SUZ12: variants seen among roughly 807,000 people sequenced by gnomAD.
SUZ12 encodes the protein polycomb protein SUZ12.
SUZ12 carries 17 observed loss-of-function variants against 87.3 expected under a neutral mutation model. The ratio of observed to expected loss-of-function variants is 0.19; its 90% CI spans 0.13 to 0.29. SUZ12 has a LOEUF of 0.29. Among genes scored for constraint, SUZ12 ranks in the 10% least tolerant of loss-of-function variants. The probability of loss-of-function intolerance (pLI) is 1.00; values close to 1 mark genes in which losing one functional copy is unlikely to be tolerated. For synonymous variants in SUZ12, 253 were observed against 312.4 expected (o/e 0.81, Z 2.01); for missense variants, 526 against 912.2 (o/e 0.58, Z 5.45).
chr17:31,959,565 A>C (rs1414932677), intron 4 of SUZ12, among the ~76,000 whole-genome samples: 1 of 152,248 alleles, frequency 6.6e-6, no homozygotes, highest in Non-Finnish European at 1.5e-5. Flanking sequence ...TTGAATAGCT[A>C]ACATCTAACT....
intron 5 of SUZ12, among the ~76,000 whole-genome samples, chr17:31,969,434 G>A (rs1245037448): frequency 6.6e-6 from 1 of 150,916 alleles, no homozygotes; most frequent in Non-Finnish European, 1.5e-5. Flanking sequence ...CAGTAGGCAT[G>A]AGCCACCGAG....
At position 32,001,029 on chromosome 17, in the gene SUZ12, A is replaced by G. The variant is rs1910229875; in HGVS notation, c.*2026A>G. On this transcript the variant is annotated 3_prime_UTR_variant, in exon 16 of 16. Coordinates refer to ENST00000322652, the MANE Select transcript of SUZ12 (RefSeq NM_015355.4). Reference sequence around the variant, plus strand: ...GATTTTGTACATAAAGTTCAATAATATAAAAGCTGTATTCTGTTTTGGGGT... The same window carrying G: ...GATTTTGTACATAAAGTTCAATAATGTAAAAGCTGTATTCTGTTTTGGGGT... 5.0e-6 allele frequency: 1 copy of G among 200,038 alleles called. No individual in the cohort carries two copies. Among genetic ancestry groups the G allele is most frequent in the African/African-American group, 2.3e-5 (1 of 43,618 alleles). 12.4% of individuals were successfully genotyped at this position (200,038 alleles called of 1,614,324 possible). A position where few individuals can be genotyped will look rare whatever the true frequency, so the allele number is the denominator to read the frequency against.
intron 13 of SUZ12, 137 bp downstream of exon 13, chr17:31,994,858 T>G: frequency 1.2e-6 from 1 of 850,990 alleles, no homozygotes; most frequent in Non-Finnish European, 1.7e-6. Context: ...ATGGGGTTGT[T>G]AACTACTTTA....
At position 31,957,895 on chromosome 17, in the gene SUZ12, C is replaced by CTTTTTTTTTTTTTTTT. The variant is rs1181314058; in HGVS notation, c.456-8242_456-8227dup. ...ACCTGGCCCTGGCTCACCTTTTGTCCTTTTTTTTTTTTTTTTTTTTTTTTT... is the reference window on the plus strand; with the variant it reads ...ACCTGGCCCTGGCTCACCTTTTGTCCTTTTTTTTTTTTTTTTTTTTTTTTTTTTTTTTTTTTTTTTT... On this transcript the variant is annotated intron_variant, in intron 4 of 15. Transcript: ENST00000322652. 4.5e-4 allele frequency among the ~76,000 whole-genome samples: 41 copies of CTTTTTTTTTTTTTTTT among 91,330 alleles called. 5 individuals carry two copies. The highest frequency in any genetic ancestry group is 8.9e-4 in the South Asian group (2 of 2,250). 59.9% of individuals were successfully genotyped at this position (91,330 alleles called of 152,430 possible). A position where few individuals can be genotyped will look rare whatever the true frequency, so the allele number is the denominator to read the frequency against.
At chr17:31,952,959 C>T (rs1342474868) in intron 4 of SUZ12, among the ~76,000 whole-genome samples, 1 of 152,178 alleles carries the variant, frequency 6.6e-6, no homozygotes, top group Admixed American at 6.6e-5. Context: ...TGAGTTGCTT[C>T]CAAGTGTTTA....
At chr17:31,964,963 G>A (rs1003039889) in intron 4 of SUZ12, among the ~76,000 whole-genome samples, 1 of 151,802 alleles carries the variant, frequency 6.6e-6, no homozygotes, top group African/African-American at 2.4e-5. Context: ...ACCTGGGCGA[G>A]AAGAGCGAAA....
intron 4 of SUZ12, among the ~76,000 whole-genome samples, chr17:31,964,484 G>GTAACC (rs1907968530): frequency 6.6e-6 from 1 of 151,256 alleles, no homozygotes; most frequent in Non-Finnish European, 1.5e-5. Flanking sequence ...TCGGCTCACT[G>GTAACC]TAACCTCTGC....
intron 15 of SUZ12, among the ~76,000 whole-genome samples, chr17:31,997,263 A>G (rs1022218470): frequency 2.6e-5 from 4 of 152,174 alleles, no homozygotes; most frequent in Non-Finnish European, 5.9e-5. Context: ...AAAGGGTGTC[A>G]TCATCATAGA....
chr17:31,953,722 T>A (rs1398923579), intron 4 of SUZ12, among the ~76,000 whole-genome samples: 1 of 151,084 alleles, frequency 6.6e-6, no homozygotes, highest in Non-Finnish European at 1.5e-5. Context: ...TTTTTTTTTT[T>A]TTTTTTTTTG....
intron 9 of SUZ12, among the ~76,000 whole-genome samples, chr17:31,985,158 C>CAAAAAAAAA (rs34227080): frequency 1.4e-5 from 1 of 72,894 alleles, no homozygotes; most frequent in East Asian, 4.3e-4. Context: ...GACTCTGTCT[C>CAAAAAAAAA]AAAAAAAAAA....
chr17:31,968,713 A>G (rs1908237144), intron 5 of SUZ12, among the ~76,000 whole-genome samples: 1 of 151,986 alleles, frequency 6.6e-6, no homozygotes, highest in Non-Finnish European at 1.5e-5. Flanking sequence ...ATTTCTAGTC[A>G]TCGTATTTTG....
chr17:31,964,006 T>G (rs1907927873), intron 4 of SUZ12: 1 of 152,324 alleles, frequency 6.6e-6, no homozygotes, highest in Non-Finnish European at 1.5e-5. Flanking sequence ...TGTCCTCTAC[T>G]GATAGCATAC....
chr17:31,957,588 A>G (rs1907430295), intron 4 of SUZ12, among the ~76,000 whole-genome samples: 2 of 151,346 alleles, frequency 1.3e-5, no homozygotes, highest in South Asian at 4.2e-4. Context: ...ATTTTTTTGC[A>G]TTTTTAGAGA....
chr17:31,956,123 C>G (rs1009905942), intron 4 of SUZ12, among the ~76,000 whole-genome samples: 1 of 151,652 alleles, frequency 6.6e-6, no homozygotes, highest in African/African-American at 2.4e-5. Flanking sequence ...CCGTGTTAGC[C>G]AGGATGTTCT....
At chr17:31,960,341 G>GCT (rs1394053869) in intron 4 of SUZ12, among the ~76,000 whole-genome samples, 1 of 151,206 alleles carries the variant, frequency 6.6e-6, no homozygotes, top group Non-Finnish European at 1.5e-5. Flanking sequence ...CTCCTGAGTA[G>GCT]CTGGGATTAC....
chr17:32,000,773 A>G lies in SUZ12; in HGVS notation c.*1770A>G. 1 of 231,040 alleles carries G rather than the reference A, an allele frequency of 4.3e-6. No individual in the cohort carries two copies. Among genetic ancestry groups the G allele is most frequent in the Non-Finnish European group, 8.6e-6 (1 of 116,478 alleles). 14.3% of individuals were successfully genotyped at this position (231,040 alleles called of 1,614,324 possible). ...CAAAAAGTTGGTGATTCCCACCCCAAATAGTAATAAAATTACTTCTGTTGA... is the reference window on the plus strand; with the variant it reads ...CAAAAAGTTGGTGATTCCCACCCCAGATAGTAATAAAATTACTTCTGTTGA... On this transcript the variant is annotated 3_prime_UTR_variant, in exon 16 of 16. Transcript: ENST00000322652.
At chr17:31,966,317 T>G (rs1454966285) in intron 5 of SUZ12, 121 bp downstream of exon 5, 1 of 907,520 alleles carries the variant, frequency 1.1e-6, no homozygotes, top group Non-Finnish European at 1.7e-6. Context: ...ATATGTTGGT[T>G]CTGATGTTTT....
chr17:31,951,110 G>A lies in SUZ12; in HGVS notation c.455+3425G>A, dbSNP rs181506955. 2.7e-4 allele frequency among the ~76,000 whole-genome samples: 41 copies of A among 152,168 alleles called. No homozygotes were observed. In the East Asian group the frequency reaches 7.7e-3, roughly 29 times the overall value. ...TCTTTGTACTATTTCAGTTTGACTG[G>A]GTCCCAGATCTGTACAGGTCTAGTC... On this transcript the variant is annotated intron_variant, in intron 4 of 15. Coordinates refer to ENST00000322652, the MANE Select transcript of SUZ12 (RefSeq NM_015355.4).
intron 5 of SUZ12, among the ~76,000 whole-genome samples, chr17:31,969,691 TG>T (rs1280839675): frequency 1.3e-5 from 2 of 152,206 alleles, no homozygotes; most frequent in African/African-American, 4.8e-5. Context: ...GTACCTTTTT[TG>T]TTTTCAATAA....
Sources: gnomAD v4.1 joint callset for allele counts (sites outside exome capture counted in the v4.1 genomes callset) on GRCh38, gnomAD v4.1.1 for gene constraint, MANE v1.5 for transcripts, NCBI Gene and HGNC (gene_info 2026-07-23, HGNC 2026-07-21) for gene names.